Variants in GARNL3 observed in about 807,000 individuals in gnomAD.
GARNL3 encodes the protein GTPase activating Rap/RanGAP domain like 3.
Under a neutral mutation model 125.0 loss-of-function variants are expected in GARNL3, and 63 were observed. The observed-to-expected ratio is 0.50, with a 90% confidence interval of 0.41 to 0.62. The LOEUF is 0.62. Ranked by LOEUF, GARNL3 falls within the 20% of genes least tolerant of loss-of-function variation. The pLI is 0.00. For missense variants in GARNL3, 994 were observed against 1,244.0 expected, an observed-to-expected ratio of 0.80 and a Z score of 3.02; for synonymous variants, 439 against 457.5, an observed-to-expected ratio of 0.96 and a Z score of 0.52.
rs1832556601 is a variant in GARNL3, at chr9:127,386,631, G to T, written c.2389-562G>T. On this transcript the variant is annotated intron_variant, in intron 24 of 27. Transcript: ENST00000373387. ...CTGGATTTGGATATTTAGGGCCTTT[G>T]TTTTTTTAGGTTTGTATAATTTAAT... Among the ~76,000 whole-genome samples, 2 of 152,154 alleles carry T rather than the reference G, an allele frequency of 1.3e-5. 1 individual carries two copies. The highest frequency in any genetic ancestry group is 4.1e-4 in the South Asian group (2 of 4,830).
intron 4 of GARNL3, among the ~76,000 whole-genome samples, chr9:127,317,733 A>AAAC (rs55904456): frequency 1.9e-4 from 29 of 151,698 alleles, no homozygotes; most frequent in Admixed American, 4.6e-4. Context: ...AAACAAAACA[A>AAAC]AACAACAACA....
At chr9:127,245,914 G>C (rs2063294261) in intron 2 of GARNL3, among the ~76,000 whole-genome samples, 1 of 151,932 alleles carries the variant, frequency 6.6e-6, no homozygotes, top group Non-Finnish European at 1.5e-5. Context: ...GCAATCAGGA[G>C]AAAAATATTT....
chr9:127,311,011 C>T (rs990007248), intron 2 of GARNL3, among the ~76,000 whole-genome samples: 57 of 151,844 alleles, frequency 3.8e-4, no homozygotes, highest in African/African-American at 1.1e-3. Context: ...AGTATGCAAA[C>T]GTGGAATTAG....
intron 24 of GARNL3, among the ~76,000 whole-genome samples, chr9:127,386,052 C>T (rs986617434): frequency 6.6e-6 from 1 of 152,146 alleles, no homozygotes; most frequent in Admixed American, 6.5e-5. Context: ...TGCTGTTTAT[C>T]ATAAAAATCC....
chr9:127,379,890 TCAG>T (rs1832145559), intron 22 of GARNL3, among the ~76,000 whole-genome samples: 1 of 152,176 alleles, frequency 6.6e-6, no homozygotes, highest in African/African-American at 2.4e-5. Flanking sequence ...CAAAATGCTA[TCAG>T]TACTGGCCGG....
chr9:127,367,931 T>A (rs189684340), intron 22 of GARNL3, among the ~76,000 whole-genome samples: 197 of 152,074 alleles, frequency 1.3e-3, no homozygotes, highest in African/African-American at 4.5e-3. Context: ...CATGACAGGA[T>A]TTTATTTTCC....
At chr9:127,260,813 T>G (rs1260521360), upstream of GARNL3, among the ~76,000 whole-genome samples, 1 of 152,220 alleles carries the variant, frequency 6.6e-6, no homozygotes, top group East Asian at 1.9e-4. Flanking sequence ...GAACTTATTC[T>G]TACACTACTT....
At chr9:127,340,452 T>C (rs1449979951) in intron 13 of GARNL3, among the ~76,000 whole-genome samples, 1 of 152,004 alleles carries the variant, frequency 6.6e-6, no homozygotes. Context: ...TGCAGCTTGC[T>C]AGCCGCACGC....
At chr9:127,303,260 A>G (rs1486948950) in intron 2 of GARNL3, among the ~76,000 whole-genome samples, 1 of 152,202 alleles carries the variant, frequency 6.6e-6, no homozygotes, top group East Asian at 1.9e-4. Context: ...CAAATTATGT[A>G]TATGTATATA....
At position 127,357,346 on chromosome 9, in the gene GARNL3, C is replaced by T. The variant is rs1439030041; in HGVS notation, c.2063C>T (p.Ala688Val). 1.9e-6 allele frequency: 3 copies of T among 1,614,054 alleles called. No homozygotes were observed. Among genetic ancestry groups the T allele is most frequent in the Non-Finnish European group, 2.5e-6 (3 of 1,180,028 alleles). Residue 688 changes from alanine to valine, a missense_variant, in exon 21 of 28, where the codon GCC becomes GTC. Ala to Val is a moderately conservative substitution (Grantham distance 64). Coordinates refer to ENST00000373387, the MANE Select transcript of GARNL3 (RefSeq NM_032293.5). ...FDVVNESTGE[A>V]FRLHHVEANR... ...GTGGTGAATGAGAGCACAGGAGAAG[C>T]CTTCAGGCTGCACCACGTGGAGGCC...
chr9:127,288,127 A>G (rs2064306859), intron 1 of GARNL3, among the ~76,000 whole-genome samples: 1 of 152,226 alleles, frequency 6.6e-6, no homozygotes, highest in African/African-American at 2.4e-5. Flanking sequence ...CGCCTGAGGA[A>G]AGACAGGTGG....
chr9:127,248,244 G>A (rs906382947), intron 2 of GARNL3, among the ~76,000 whole-genome samples: 8 of 152,152 alleles, frequency 5.3e-5, no homozygotes, highest in African/African-American at 1.7e-4. Context: ...CGGCTGACTC[G>A]TCCCCTGCCC....
At chr9:127,382,673 C>A (rs577844914) in intron 22 of GARNL3, among the ~76,000 whole-genome samples, 19 of 152,122 alleles carry the variant, frequency 1.2e-4, no homozygotes, top group African/African-American at 3.6e-4. Flanking sequence ...ATAAATGGGG[C>A]CTTTGTTTCT....
intron 7 of GARNL3, among the ~76,000 whole-genome samples, chr9:127,331,127 T>G: frequency 6.6e-6 from 1 of 152,162 alleles, no homozygotes; most frequent in East Asian, 1.9e-4. Context: ...ACATTTGATT[T>G]TGTGTTTATT....
At chr9:127,303,473 C>A (rs1453079636) in intron 2 of GARNL3, among the ~76,000 whole-genome samples, 2 of 152,026 alleles carry the variant, frequency 1.3e-5, no homozygotes, top group Non-Finnish European at 2.9e-5. Context: ...AAGATTTTAA[C>A]CTTTGTGTAG....
chr9:127,319,301 A>T (rs2065328770), intron 5 of GARNL3, among the ~76,000 whole-genome samples: 1 of 151,980 alleles, frequency 6.6e-6, no homozygotes, highest in South Asian at 2.1e-4. Context: ...TGGCCAATAT[A>T]GTGAAACCCC....
chr9:127,245,168 C>A (rs1588676781), intron 2 of GARNL3, among the ~76,000 whole-genome samples: 1 of 152,240 alleles, frequency 6.6e-6, no homozygotes, highest in South Asian at 2.1e-4. Context: ...CGCAGTGGAG[C>A]TGGCCCGCTG....
intron 1 of GARNL3, among the ~76,000 whole-genome samples, chr9:127,283,249 C>T (rs943003624): frequency 2.6e-5 from 4 of 152,050 alleles, no homozygotes; most frequent in Non-Finnish European, 5.9e-5. Flanking sequence ...TGGCCCTGTC[C>T]AATAGAACTT....
chr9:127,239,466 C>T (rs1421821742), intron 1 of GARNL3, among the ~76,000 whole-genome samples: 1 of 152,228 alleles, frequency 6.6e-6, no homozygotes, highest in Non-Finnish European at 1.5e-5. Context: ...TGATCTCTTT[C>T]AGTTTGTCTA....
Sources: gnomAD v4.1 joint callset for allele counts (sites outside exome capture counted in the v4.1 genomes callset) on GRCh38, gnomAD v4.1.1 for gene constraint, MANE v1.5 for transcripts, NCBI Gene and HGNC (gene_info 2026-07-23, HGNC 2026-07-21) for gene names.